The following IKZF2 variants were observed in gnomAD, a reference collection of about 807,000 sequenced individuals.
The protein encoded by IKZF2 is zinc finger protein Helios.
IKZF2 carries 15 observed loss-of-function variants against 49.2 expected under a neutral mutation model. The ratio of observed to expected loss-of-function variants is 0.30; its 90% CI spans 0.20 to 0.47. The LOEUF is 0.47. Among genes scored for constraint, IKZF2 ranks in the 20% least tolerant of loss-of-function variants. The probability of loss-of-function intolerance (pLI) is 1.00; values close to 1 mark genes in which losing one functional copy is unlikely to be tolerated. For missense variants in IKZF2, 567 were observed against 664.6 expected, an observed-to-expected ratio of 0.85 and a Z score of 1.61; for synonymous variants, 227 against 221.4, an observed-to-expected ratio of 1.03 and a Z score of -0.23.
At chr2:213,142,809 A>C (rs1373536883) in intron 4 of IKZF2, among the ~76,000 whole-genome samples, 1 of 151,990 alleles carries the variant, frequency 6.6e-6, no homozygotes, top group African/African-American at 2.4e-5. Flanking sequence ...ATGTGGAGAC[A>C]AAGTGAAATA....
intron 4 of IKZF2, among the ~76,000 whole-genome samples, chr2:213,086,928 A>C (rs1449329487): frequency 6.6e-6 from 1 of 152,184 alleles, no homozygotes; most frequent in Non-Finnish European, 1.5e-5. Flanking sequence ...TTGCCAAAAA[A>C]CAGACTGTGG....
intron 4 of IKZF2, 49 bp from the exon 5 acceptor site, chr2:213,057,148 C>T: frequency 6.9e-7 from 1 of 1,459,210 alleles, no homozygotes; most frequent in East Asian, 2.4e-5. Flanking sequence ...GTTATGTATT[C>T]TCACCTACAT....
At chr2:213,015,024 A>G (rs912293213) in intron 7 of IKZF2, 1 of 152,058 alleles carries the variant, frequency 6.6e-6, no homozygotes, top group African/African-American at 2.4e-5. Flanking sequence ...GTGTACAAAA[A>G]AATGTAGTCT....
At chr2:213,052,486 T>C (rs910966507) in intron 5 of IKZF2, among the ~76,000 whole-genome samples, 1 of 152,100 alleles carries the variant, frequency 6.6e-6, no homozygotes, top group Non-Finnish European at 1.5e-5. Flanking sequence ...ACTAATTTTA[T>C]GGCTTTCCTC....
intron 4 of IKZF2, among the ~76,000 whole-genome samples, chr2:213,100,557 G>A (rs1184726770): frequency 6.6e-6 from 1 of 151,924 alleles, no homozygotes; most frequent in Non-Finnish European, 1.5e-5. Context: ...TGTCTTAAAA[G>A]GCTATTTAAT....
At chr2:213,068,944 C>T (rs1254709485) in intron 4 of IKZF2, among the ~76,000 whole-genome samples, 1 of 141,250 alleles carries the variant, frequency 7.1e-6, no homozygotes, top group African/African-American at 2.7e-5. Flanking sequence ...CACACACACA[C>T]ACAACATACT....
At position 213,056,980 on chromosome 2, in the gene IKZF2, T is replaced by C. The variant is rs1481118652; in HGVS notation, c.259A>G (p.Ser87Gly). The C allele has an allele frequency of 6.2e-7, 1 of 1,613,902 alleles. No individual in the cohort carries two copies. Among genetic ancestry groups the C allele is most frequent in the South Asian group, 1.1e-5 (1 of 91,072 alleles). The change falls in exon 5 of 9, where the codon AGC becomes GGC. Residue 87 changes from serine to glycine, a missense_variant. This residue lies in a region of IKZF2 where 156 missense variants were observed against 138.5 expected (regional missense o/e 1.13). Transcript: ENST00000434687. The part of the protein sequence containing the change: ...GSSLEEPLIE[S>G]SEVADNRKVQ... ...TTCCTGTTGTCAGCCACCTCGCTGC[T>C]CTCAATTAGGGGTTCTTCTAGGCTG...
chr2:213,030,434 T>A (rs1405625412), intron 6 of IKZF2, among the ~76,000 whole-genome samples: 1 of 152,166 alleles, frequency 6.6e-6, no homozygotes, highest in Non-Finnish European at 1.5e-5. Context: ...TAATTAGGTG[T>A]CTGTCAAAAA....
chr2:213,056,127 T>A (rs1701130673), intron 5 of IKZF2, among the ~76,000 whole-genome samples: 1 of 152,176 alleles, frequency 6.6e-6, no homozygotes, highest in Admixed American at 6.6e-5. Flanking sequence ...GACCTTCTCA[T>A]TTGGTTAGTT....
At chr2:213,085,941 T>C (rs928378286) in intron 4 of IKZF2, among the ~76,000 whole-genome samples, 2 of 152,138 alleles carry the variant, frequency 1.3e-5, no homozygotes, top group Non-Finnish European at 2.9e-5. Flanking sequence ...TCTGGCCAAG[T>C]TCTTAAACTT....
At chr2:213,053,230 G>T (rs150850897) in intron 5 of IKZF2, among the ~76,000 whole-genome samples, 1 of 152,136 alleles carries the variant, frequency 6.6e-6, no homozygotes, top group Admixed American at 6.5e-5. Flanking sequence ...CTGGATCGAG[G>T]AAAATAATTA....
intron 6 of IKZF2, 35 bp from the exon 7 acceptor site, chr2:213,022,165 T>C: frequency 1.3e-6 from 2 of 1,525,226 alleles, no homozygotes; most frequent in Non-Finnish European, 1.8e-6. Context: ...GTGCTGTTAG[T>C]CTCATCAACA....
At chr2:213,061,346 AG>A (rs891408260) in intron 4 of IKZF2, among the ~76,000 whole-genome samples, 18 of 151,572 alleles carry the variant, frequency 1.2e-4, no homozygotes, top group African/African-American at 4.3e-4. Context: ...ACAGGTAAAC[AG>A]GTATAGATCA....
At chr2:213,072,693 T>C (rs1702837595) in intron 4 of IKZF2, among the ~76,000 whole-genome samples, 1 of 152,160 alleles carries the variant, frequency 6.6e-6, no homozygotes, top group African/African-American at 2.4e-5. Context: ...GGGCACCTTA[T>C]CAAGCCTTGC....
intron 4 of IKZF2, among the ~76,000 whole-genome samples, chr2:213,114,301 TGA>T (rs2059803517): frequency 6.6e-6 from 1 of 152,218 alleles, no homozygotes; most frequent in Non-Finnish European, 1.5e-5. Context: ...AGTTTGACTT[TGA>T]GAGATCCTAA....
chr2:213,116,799 A>G (rs1256988706), intron 4 of IKZF2, among the ~76,000 whole-genome samples: 3 of 152,192 alleles, frequency 2.0e-5, no homozygotes, highest in Non-Finnish European at 4.4e-5. Context: ...TACAATTATG[A>G]CTGCTTTAGC....
intron 4 of IKZF2, among the ~76,000 whole-genome samples, chr2:213,072,833 T>C (rs886139417): frequency 1.3e-5 from 2 of 152,166 alleles, no homozygotes; most frequent in Middle Eastern, 6.8e-3. Context: ...TCAACGAAAA[T>C]GACACATGAA....
At chr2:213,132,105 A>G (rs1025504711) in intron 4 of IKZF2, among the ~76,000 whole-genome samples, 7 of 152,146 alleles carry the variant, frequency 4.6e-5, no homozygotes, top group African/African-American at 1.7e-4. Context: ...AACTTTCCCT[A>G]TTTTACAAAT....
At chr2:213,148,529 A>C in intron 3 of IKZF2, 67 bp downstream of exon 3, 2 of 1,068,714 alleles carry the variant, frequency 1.9e-6, no homozygotes, top group South Asian at 2.7e-5. Context: ...TAATCCAGGA[A>C]TTAAAACACA....
Sources: allele counts gnomAD v4.1 joint callset (sites outside exome capture counted in the v4.1 genomes callset), GRCh38; gene constraint gnomAD v4.1.1; regional missense constraint gnomAD v4.1.1; transcripts MANE v1.5; gene names NCBI Gene and HGNC (gene_info 2026-07-23, HGNC 2026-07-21).